The following PROSER2 variants were observed in gnomAD, a reference collection of about 807,000 sequenced individuals.
The protein encoded by PROSER2 is proline and serine-rich protein 2.
A neutral mutation model predicts 14.6 loss-of-function variants in PROSER2; 18 were observed. The ratio of observed to expected loss-of-function variants is 1.23; its 90% CI spans 0.85 to 1.83. The LOEUF is 1.83. Ranked by LOEUF, PROSER2 falls within the 40% of genes most tolerant of loss-of-function variation. The pLI is 0.00. For missense variants in PROSER2, 823 were observed against 629.8 expected, an observed-to-expected ratio of 1.31 and a Z score of -3.28; for synonymous variants, 367 against 286.4, an observed-to-expected ratio of 1.28 and a Z score of -2.84.
rs558283551 is a variant in PROSER2 at position 11,842,931 on chromosome 10, C to CTTTTTT, written c.-81-9044_-81-9039dup. Among the ~76,000 whole-genome samples, 51 of 51,958 alleles carry CTTTTTT rather than the reference C, an allele frequency of 9.8e-4. 6 individuals carry two copies. Among genetic ancestry groups the CTTTTTT allele is most frequent in the African/African-American group, 2.6e-3 (39 of 14,738 alleles). The allele number at this position is 51,958 out of a possible 152,430, so 34.1% of individuals were successfully genotyped here. ...TTTTCTATACTATTTTGCCATTGTT[C>CTTTTTT]TTTTTTTTTTTTTTTTTTTTTTTTT... On this transcript the variant is annotated intron_variant, in intron 1 of 3. Transcript: ENST00000277570.
intron 2 of PROSER2, among the ~76,000 whole-genome samples, chr10:11,855,399 G>A (rs1464458896): frequency 6.6e-6 from 1 of 150,524 alleles, no homozygotes; most frequent in Non-Finnish European, 1.5e-5. Flanking sequence ...GTGTGAACCC[G>A]GGAGGCGGAG....
chr10:11,868,412 A>T (rs150826925), intron 3 of PROSER2, among the ~76,000 whole-genome samples: 2,933 of 152,196 alleles, frequency 0.019, 82 homozygotes, highest in African/African-American at 0.066. Context: ...AGTAGCTGGC[A>T]CTACAAGCAT....
At position 11,852,145 on chromosome 10, in the gene PROSER2, T is replaced by C. The variant is rs1430652424; in HGVS notation, c.68T>C (p.Leu23Pro). The change falls in exon 2 of 4, where the codon CTC becomes CCC. Residue 23 changes from leucine to proline, a missense_variant. Coordinates refer to ENST00000277570, the MANE Select transcript of PROSER2 (RefSeq NM_153256.4). ...TCAGACACGTCCCCCAGCTGCAGGC[T>C]CCGAGCCTTCAGCAGAGGCGGCAGC... ...MNSDTSPSCR[L>P]RAFSRGGSLE... 2 of 1,613,514 alleles carry C rather than the reference T, an allele frequency of 1.2e-6. No homozygotes were observed. Among genetic ancestry groups the C allele is most frequent in the African/African-American group, 2.7e-5 (2 of 75,010 alleles).
chr10:11,840,119 A>G (rs1425918960), intron 1 of PROSER2, among the ~76,000 whole-genome samples: 2 of 151,514 alleles, frequency 1.3e-5, no homozygotes, highest in African/African-American at 4.8e-5. Flanking sequence ...CCCCTGGGTA[A>G]TTTTTGTATT....
In PROSER2 at chr10:11,866,422, T is replaced by G; in HGVS notation, c.139-109T>G. On this transcript the variant is annotated intron_variant, in intron 2 of 3. Transcript: ENST00000277570. This position sits in a 1 kb window ranked among gnomAD's most constrained non-coding sequence, Gnocchi z 6.0. ...GTGGCAGGGTACTCTCGGGACACAGTGAGTTCCGCCCTGGGCTGTGGACCA... is the reference window on the plus strand; with the variant it reads ...GTGGCAGGGTACTCTCGGGACACAGGGAGTTCCGCCCTGGGCTGTGGACCA... 2.2e-6 allele frequency: 3 copies of G among 1,342,032 alleles called. No homozygotes were observed. Among genetic ancestry groups the G allele is most frequent in the Non-Finnish European group, 3.1e-6 (3 of 967,446 alleles). The allele number at this position is 1,342,032 out of a possible 1,614,324, so 83.1% of individuals were successfully genotyped here.
intron 1 of PROSER2, among the ~76,000 whole-genome samples, chr10:11,841,554 G>C (rs552326721): frequency 2.0e-5 from 3 of 152,202 alleles, no homozygotes; most frequent in Admixed American, 1.3e-4. Flanking sequence ...AGTGATGTTT[G>C]AGCTGCATCC....
intron 2 of PROSER2, chr10:11,863,036 C>A (rs1485523451): frequency 6.6e-6 from 1 of 152,234 alleles, no homozygotes; most frequent in Non-Finnish European, 1.5e-5. Flanking sequence ...AGGTTTATAT[C>A]CAACAGGTAC....
intron 1 of PROSER2, 67 bp from the exon 2 acceptor site, chr10:11,851,930 T>C: frequency 1.4e-6 from 1 of 728,294 alleles, no homozygotes. Flanking sequence ...AGCCATGTTT[T>C]TGAGGGATTG....
In PROSER2 at chr10:11,865,352, C is replaced by A. The variant is rs1441760751; in HGVS notation, c.139-1179C>A. 1.3e-5 allele frequency among the ~76,000 whole-genome samples: 2 copies of A among 152,014 alleles called. No individual in the cohort carries two copies. The highest frequency in any genetic ancestry group is 2.9e-5 in the Non-Finnish European group (2 of 68,022). On this transcript the variant is annotated intron_variant, in intron 2 of 3. Coordinates refer to ENST00000277570, the MANE Select transcript of PROSER2 (RefSeq NM_153256.4). The surrounding 1 kb of genome is among the most constrained non-coding windows in gnomAD (Gnocchi z 4.2). ...ATCATGCTGTTTATGGATTCAGTAT[C>A]CCCTCTTATCTGACAACTGATGATA...
rs566025981 is a variant in PROSER2 at position 11,865,156 on chromosome 10, T to G, written c.139-1375T>G. ...ATTTCTCTCTCTGGAACTCTCATTA[T>G]TCACATAGTGGCCCTCCCAGATCCA... On this transcript the variant is annotated intron_variant, in intron 2 of 3. Coordinates refer to ENST00000277570, the MANE Select transcript of PROSER2 (RefSeq NM_153256.4). The surrounding 1 kb of genome is among the most constrained non-coding windows in gnomAD (Gnocchi z 4.2). Among the ~76,000 whole-genome samples, 3 of 152,342 alleles carry G rather than the reference T, an allele frequency of 2.0e-5. No individual in the cohort carries two copies. The East Asian group carries it at 5.8e-4, about 29-fold the overall frequency.
chr10:11,853,184 G>A (rs575393625), intron 2 of PROSER2, among the ~76,000 whole-genome samples: 4 of 152,188 alleles, frequency 2.6e-5, no homozygotes, highest in East Asian at 1.9e-4. Context: ...CCTCAGTTAC[G>A]CTGAAGCTAG....
chr10:11,851,960 C>CT, intron 1 of PROSER2, 37 bp from the exon 2 acceptor site: 1 of 1,113,390 alleles, frequency 9.0e-7, no homozygotes, highest in Non-Finnish European at 1.2e-6. Flanking sequence ...ACAGTCTCGG[C>CT]TTACTGACCA....
chr10:11,864,833 C>T (rs559650714), intron 2 of PROSER2, among the ~76,000 whole-genome samples: 2 of 152,298 alleles, frequency 1.3e-5, no homozygotes, highest in Admixed American at 6.5e-5. Context: ...GAGTGATCCA[C>T]CCACCTCGGC....
At chr10:11,833,003 C>T (rs185591470) in intron 1 of PROSER2, among the ~76,000 whole-genome samples, 14 of 152,046 alleles carry the variant, frequency 9.2e-5, no homozygotes, top group Admixed American at 2.6e-4. Flanking sequence ...CCACCATGCC[C>T]GGCTAATTTT....
At chr10:11,855,147 GT>G (rs913925186) in intron 2 of PROSER2, among the ~76,000 whole-genome samples, 22 of 142,434 alleles carry the variant, frequency 1.5e-4, no homozygotes, top group Admixed American at 5.0e-4. Context: ...GAGGTTTTTT[GT>G]TTTTTTTTTT....
chr10:11,846,445 A>G (rs991015021), intron 1 of PROSER2, among the ~76,000 whole-genome samples: 1 of 152,186 alleles, frequency 6.6e-6, no homozygotes, highest in Non-Finnish European at 1.5e-5. Flanking sequence ...GACAAATGAT[A>G]GGTTTCTTCA....
chr10:11,833,087 G>A (rs1830845), intron 1 of PROSER2, among the ~76,000 whole-genome samples: 111,145 of 151,676 alleles, frequency 0.73, 40,845 homozygotes, highest in Non-Finnish European at 0.77. Context: ...CAAGTGATCC[G>A]CCCACCTCAG....
rs1373519008 is a variant in PROSER2 at position 11,869,277 on chromosome 10, A to AT, written c.392-211dup. On this transcript the variant is annotated intron_variant, in intron 3 of 3. Coordinates refer to ENST00000277570, the MANE Select transcript of PROSER2 (RefSeq NM_153256.4). The surrounding 1 kb of genome is among the most constrained non-coding windows in gnomAD (Gnocchi z 4.4). ...CTGTCTGACTTGCAGGGCTATCGTG[A>AT]TTGTCCCTTATCAGCGTGAGGTCAT... 3.4e-6 allele frequency: 2 copies of AT among 596,806 alleles called. No homozygotes were observed. The highest frequency in any genetic ancestry group is 3.7e-5 in the African/African-American group (2 of 53,558). The allele number at this position is 596,806 out of a possible 1,614,324, so 37.0% of individuals were successfully genotyped here. A position where few individuals can be genotyped will look rare whatever the true frequency, so the allele number is the denominator to read the frequency against.
At chr10:11,827,918 T>TC (rs1265711711) in intron 1 of PROSER2, among the ~76,000 whole-genome samples, 1 of 151,898 alleles carries the variant, frequency 6.6e-6, no homozygotes, top group Non-Finnish European at 1.5e-5. Context: ...GTTCAAGCAG[T>TC]CCCCCCACCT....
Sources: allele counts gnomAD v4.1 joint callset (sites outside exome capture counted in the v4.1 genomes callset), GRCh38; gene constraint gnomAD v4.1.1; non-coding constraint Gnocchi (gnomAD v3.1); transcripts MANE v1.5; gene names NCBI Gene and HGNC (gene_info 2026-07-23, HGNC 2026-07-21).